HPSE2: variants seen among roughly 807,000 people sequenced by gnomAD.
HPSE2 encodes inactive heparanase-2.
Under a neutral mutation model 60.5 loss-of-function variants are expected in HPSE2, and 38 were observed. The observed-to-expected ratio is 0.63, with a 90% CI of 0.48 to 0.82. The LOEUF (loss-of-function observed/expected upper bound fraction) is 0.82, where lower values mean the gene tolerates loss of function less well. Among genes scored for constraint, HPSE2 ranks in the 40% least tolerant of loss-of-function variants. The probability of loss-of-function intolerance (pLI) is 0.00; values close to 1 mark genes in which losing one functional copy is unlikely to be tolerated. For missense variants in HPSE2, 713 were observed against 740.4 expected (o/e 0.96, Z 0.43); for synonymous variants, 295 against 293.2 (o/e 1.01, Z -0.06).
intron 2 of HPSE2, among the ~76,000 whole-genome samples, chr10:99,218,068 A>C (rs541298380): frequency 1.3e-5 from 2 of 152,140 alleles, no homozygotes; most frequent in East Asian, 3.9e-4. Flanking sequence ...CATTTAAGTG[A>C]TCAACAAATG....
At chr10:99,274,422 A>G in the HPSE2 span, among the ~76,000 whole-genome samples, 40 of 152,324 alleles carry the variant, frequency 2.6e-4, no homozygotes, top group African/African-American at 9.4e-4. Flanking sequence ...AAAATAAAGT[A>G]AAATTTAAAA....
rs7921826 is a variant in HPSE2, at chr10:98,788,503, C to A, written c.611-44447G>T. Among the ~76,000 whole-genome samples the A allele has an allele frequency of 4.4e-4, 64 of 145,710 alleles. No homozygotes were observed. The Middle Eastern group carries it at 0.022, about 50-fold the overall frequency. ...TCGAGCTTCCCGGCTGCTTTGTTTA[C>A]GTAAGCAAGCCTGGGCAATGGCAGG... is the stretch of plus-strand genomic sequence containing the variant. On this transcript the variant is annotated intron_variant, in intron 3 of 11. Transcript: ENST00000370552.
At chr10:98,624,937 G>A (rs1946168336) in intron 7 of HPSE2, among the ~76,000 whole-genome samples, 1 of 152,156 alleles carries the variant, frequency 6.6e-6, no homozygotes, top group Non-Finnish European at 1.5e-5. Context: ...ACGGTTTGGT[G>A]GTAGGATTCT....
intron 6 of HPSE2, among the ~76,000 whole-genome samples, chr10:98,659,804 TAAAG>T (rs985870657): frequency 2.6e-5 from 4 of 152,018 alleles, no homozygotes; most frequent in African/African-American, 7.3e-5. Context: ...ATTAGAAAGA[TAAAG>T]AAAACAAAGA....
At chr10:98,804,188 G>A (rs191591531) in intron 3 of HPSE2, among the ~76,000 whole-genome samples, 65 of 152,176 alleles carry the variant, frequency 4.3e-4, no homozygotes, top group Non-Finnish European at 6.6e-4. Context: ...CTGAGACTTT[G>A]CTGAAGTTGC....
chr10:98,976,211 G>C (rs879026321), intron 3 of HPSE2, among the ~76,000 whole-genome samples: 1 of 152,092 alleles, frequency 6.6e-6, no homozygotes, highest in East Asian at 1.9e-4. Context: ...CAAGGAAAGA[G>C]ACTATACATA....
intron 6 of HPSE2, among the ~76,000 whole-genome samples, chr10:98,656,506 AAGAC>A (rs1947068053): frequency 2.6e-5 from 4 of 152,174 alleles, no homozygotes; most frequent in Admixed American, 6.5e-5. Context: ...TTGAGAGAAT[AAGAC>A]AGACAAAGAG....
At chr10:98,600,073 C>G (rs977280734) in intron 9 of HPSE2, among the ~76,000 whole-genome samples, 5 of 152,182 alleles carry the variant, frequency 3.3e-5, no homozygotes, top group African/African-American at 9.6e-5. Context: ...ATTTTCTACT[C>G]TGGTTTGAGA....
At chr10:98,937,143 C>T (rs1954824058) in intron 3 of HPSE2, among the ~76,000 whole-genome samples, 1 of 143,760 alleles carries the variant, frequency 7.0e-6, no homozygotes, top group Non-Finnish European at 1.5e-5. Flanking sequence ...GTCTACAGCT[C>T]CCAGCGTTAA....
chr10:98,876,345 T>G (rs2134857578), intron 3 of HPSE2, among the ~76,000 whole-genome samples: 2 of 152,036 alleles, frequency 1.3e-5, no homozygotes, highest in Non-Finnish European at 2.9e-5. Flanking sequence ...GGCTGTTAGT[T>G]ATAAATGAGT....
chr10:98,596,230 C>A (rs1461984243), intron 9 of HPSE2, among the ~76,000 whole-genome samples: 3 of 152,210 alleles, frequency 2.0e-5, no homozygotes, highest in African/African-American at 7.2e-5. Flanking sequence ...AAAAAACCTA[C>A]ACTTTTACTC....
intron 3 of HPSE2, among the ~76,000 whole-genome samples, chr10:98,785,779 C>G: frequency 4.7e-5 from 1 of 21,440 alleles, no homozygotes; most frequent in Non-Finnish European, 8.1e-5. Flanking sequence ...TCTGTGGGAT[C>G]GGTGGTGATA....
At chr10:98,883,597 G>C (rs1953085367) in intron 3 of HPSE2, among the ~76,000 whole-genome samples, 1 of 152,052 alleles carries the variant, frequency 6.6e-6, no homozygotes, top group Non-Finnish European at 1.5e-5. Flanking sequence ...TTGAGGCCAG[G>C]AGTTCAAACC....
chr10:98,949,062 C>G (rs1469617263), intron 3 of HPSE2, among the ~76,000 whole-genome samples: 1 of 152,052 alleles, frequency 6.6e-6, no homozygotes, highest in East Asian at 1.9e-4. Flanking sequence ...TTGGTGCCCC[C>G]TCAACTCCCG....
chr10:98,873,582 T>G (rs1380939334), intron 3 of HPSE2, among the ~76,000 whole-genome samples: 1 of 152,070 alleles, frequency 6.6e-6, no homozygotes. Flanking sequence ...TCGATGGTAT[T>G]TATGTACCAC....
chr10:98,752,063 G>C (rs11189798), intron 3 of HPSE2, among the ~76,000 whole-genome samples: 2,358 of 152,216 alleles, frequency 0.015, 65 homozygotes, highest in African/African-American at 0.054. Flanking sequence ...GAGAGGACAG[G>C]CTCCCTACTC....
At chr10:99,252,145 C>T in the HPSE2 span, among the ~76,000 whole-genome samples, 1 of 152,052 alleles carries the variant, frequency 6.6e-6, no homozygotes, top group Non-Finnish European at 1.5e-5. Flanking sequence ...CCCCAAGAAA[C>T]TAGACATCAA....
chr10:98,823,331 A>G (rs183975300), intron 3 of HPSE2, among the ~76,000 whole-genome samples: 31 of 152,316 alleles, frequency 2.0e-4, no homozygotes, highest in Middle Eastern at 3.4e-3. Flanking sequence ...ATAAAGATAA[A>G]TAATGCACCA....
At chr10:98,768,005 A>G (rs1413112936) in intron 3 of HPSE2, among the ~76,000 whole-genome samples, 1 of 151,152 alleles carries the variant, frequency 6.6e-6, no homozygotes, top group African/African-American at 2.4e-5. Flanking sequence ...ATATAGTATA[A>G]GTAAAATAAA....
Sources: gnomAD v4.1 joint callset for allele counts (sites outside exome capture counted in the v4.1 genomes callset) on GRCh38, gnomAD v4.1.1 for gene constraint, MANE v1.5 for transcripts, NCBI Gene and HGNC (gene_info 2026-07-23, HGNC 2026-07-21) for gene names.